Variants in IFT56 observed in about 807,000 individuals in gnomAD.
IFT56 encodes the protein intraflagellar transport 56.
At chr7:139,146,282 C>G in the IFT56 span, among the ~76,000 whole-genome samples, 5 of 151,998 alleles carry the variant, frequency 3.3e-5, no homozygotes, top group East Asian at 9.6e-4. Flanking sequence ...CTAATATTTG[C>G]GGCAGCCATC....
the IFT56 span, chr7:139,173,966 G>T: frequency 1.5e-6 from 1 of 668,196 alleles, no homozygotes; most frequent in Non-Finnish European, 2.8e-6. Flanking sequence ...CTTTGCTGCT[G>T]CCAGAGGAAC....
At chr7:139,143,541 A>T in the IFT56 span, among the ~76,000 whole-genome samples, 1 of 151,368 alleles carries the variant, frequency 6.6e-6, no homozygotes, top group Non-Finnish European at 1.5e-5. Context: ...CTATCCTTTT[A>T]CTTTCTACCT....
chr7:139,137,859 G>A, the IFT56 span: 1 of 1,613,180 alleles, frequency 6.2e-7, no homozygotes, highest in Non-Finnish European at 8.5e-7. Flanking sequence ...CAAACGTCAT[G>A]TTGGGGAAGA....
the IFT56 span, among the ~76,000 whole-genome samples, chr7:139,148,832 T>G: frequency 2.8e-5 from 4 of 144,994 alleles, no homozygotes; most frequent in South Asian, 2.2e-4. Flanking sequence ...GGGGGGCGGG[T>G]GGAGGTTTCA....
At chr7:139,135,836 A>T in the IFT56 span, among the ~76,000 whole-genome samples, 8 of 152,108 alleles carry the variant, frequency 5.3e-5, no homozygotes, top group African/African-American at 1.9e-4. Flanking sequence ...CTCTGTCCAT[A>T]TTACTCTGAA....
the IFT56 span, chr7:139,161,296 G>A: frequency 1.2e-4 from 44 of 374,088 alleles, no homozygotes; most frequent in East Asian, 8.7e-5. Flanking sequence ...ACAAAGGAAC[G>A]TATCCCTCTG....
chr7:139,182,403 G>A, the IFT56 span, among the ~76,000 whole-genome samples: 2 of 152,126 alleles, frequency 1.3e-5, no homozygotes, highest in African/African-American at 2.4e-5. Flanking sequence ...TTGGTGGGTG[G>A]CAATGCTCTT....
the IFT56 span, among the ~76,000 whole-genome samples, chr7:139,150,809 T>G: frequency 6.6e-6 from 1 of 152,230 alleles, no homozygotes; most frequent in African/African-American, 2.4e-5. Context: ...TAAACTACTT[T>G]GAGTAACTTG....
chr7:139,155,232 T>C, the IFT56 span, among the ~76,000 whole-genome samples: 1 of 152,146 alleles, frequency 6.6e-6, no homozygotes, highest in Non-Finnish European at 1.5e-5. Flanking sequence ...GGATTTTCTA[T>C]ATATAAGATT....
the IFT56 span, chr7:139,168,666 T>G: frequency 2.4e-6 from 1 of 412,860 alleles, no homozygotes; most frequent in Non-Finnish European, 4.5e-6. Context: ...ATAACTAACT[T>G]AAAAATCATT....
chr7:139,164,017 T>C, the IFT56 span, among the ~76,000 whole-genome samples: 4 of 151,932 alleles, frequency 2.6e-5, no homozygotes, highest in African/African-American at 9.7e-5. Flanking sequence ...TTTCATGGAT[T>C]TGTTTGTTTG....
At chr7:139,187,789 A>T in the IFT56 span, among the ~76,000 whole-genome samples, 1 of 152,202 alleles carries the variant, frequency 6.6e-6, no homozygotes, top group South Asian at 2.1e-4. Context: ...TACATTAAGT[A>T]CACTAACAGC....
At chr7:139,135,617 G>A in the IFT56 span, among the ~76,000 whole-genome samples, 2 of 152,216 alleles carry the variant, frequency 1.3e-5, no homozygotes, top group African/African-American at 4.8e-5. Context: ...GGCTCCTGCT[G>A]TAAGTCTGCA....
chr7:139,183,247 A>G, the IFT56 span, among the ~76,000 whole-genome samples: 1 of 152,006 alleles, frequency 6.6e-6, no homozygotes, highest in African/African-American at 2.4e-5. Context: ...AGTTGGCATT[A>G]CCTACTGTCT....
At chr7:139,138,105 A>G in the IFT56 span, among the ~76,000 whole-genome samples, 19 of 152,352 alleles carry the variant, frequency 1.2e-4, no homozygotes, top group African/African-American at 4.3e-4. Context: ...GAAGGTAACC[A>G]GTGACTTTTT....
the IFT56 span, among the ~76,000 whole-genome samples, chr7:139,169,946 T>C: frequency 6.6e-6 from 1 of 152,078 alleles, no homozygotes; most frequent in Non-Finnish European, 1.5e-5. Context: ...CCCAGGAAGT[T>C]GAGGCTGCAG....
the IFT56 span, among the ~76,000 whole-genome samples, chr7:139,148,698 G>T: frequency 2.6e-5 from 4 of 152,062 alleles, no homozygotes; most frequent in Non-Finnish European, 5.9e-5. Context: ...GCCAAGGCGG[G>T]CAGATCACTT....
the IFT56 span, chr7:139,190,943 C>A: frequency 2.6e-4 from 39 of 152,328 alleles, no homozygotes; most frequent in Admixed American, 3.9e-4. Flanking sequence ...GGAAAATCCC[C>A]GTAGGCACTG....
At chr7:139,137,818 T>C in the IFT56 span, 67 of 1,585,744 alleles carry the variant, frequency 4.2e-5, no homozygotes, top group Non-Finnish European at 5.5e-5. Flanking sequence ...AAAATTTTCA[T>C]GTTTTTTAAA....
Sources: allele counts gnomAD v4.1 joint callset (sites outside exome capture counted in the v4.1 genomes callset), GRCh38; gene constraint gnomAD v4.1.1; transcripts MANE v1.5; gene names NCBI Gene and HGNC (gene_info 2026-07-23, HGNC 2026-07-21).